The following PCDH10 variants were observed in gnomAD, a reference collection of about 807,000 sequenced individuals.
PCDH10 encodes protocadherin 10, also known as protocadherin-10.
A neutral mutation model predicts 74.4 loss-of-function variants in PCDH10; 15 were observed. The observed-to-expected ratio is 0.20, with a 90% CI of 0.13 to 0.31. PCDH10 has a LOEUF of 0.31. PCDH10 is among the 10% of genes least tolerant of loss of function. The pLI is 1.00. For missense variants in PCDH10, 1,260 were observed against 1,390.2 expected, an observed-to-expected ratio of 0.91 and a Z score of 1.49; for synonymous variants, 619 against 589.8, an observed-to-expected ratio of 1.05 and a Z score of -0.72.
At chr4:133,154,812 GGTCTGTGA>G in intron 2 of PCDH10, 97 bp from the exon 3 acceptor site, 1 of 752,434 alleles carries the variant, frequency 1.3e-6, no homozygotes, top group South Asian at 1.6e-5. Flanking sequence ...CCAACTAAGA[GGTCTGTGA>G]GTCTGCAGCA....
chr4:133,206,895 A>G (rs887744393), intron 2 of PCDH10, among the ~76,000 whole-genome samples: 1 of 152,190 alleles, frequency 6.6e-6, no homozygotes, highest in South Asian at 2.1e-4. Context: ...TAGATTTTTT[A>G]TTGCTGTTGT....
chr4:133,170,929 G>A (rs894136917), intron 4 of PCDH10, among the ~76,000 whole-genome samples: 13 of 151,626 alleles, frequency 8.6e-5, no homozygotes, highest in African/African-American at 3.1e-4. Flanking sequence ...CCTGGCCTCG[G>A]CCTCCCAAAG....
At chr4:133,165,839 A>G (rs1026518410) in intron 4 of PCDH10, among the ~76,000 whole-genome samples, 2 of 151,724 alleles carry the variant, frequency 1.3e-5, no homozygotes, top group African/African-American at 4.8e-5. Context: ...TGATTTCTAT[A>G]CCTCCGATTG....
At position 133,189,586 on chromosome 4, in the gene PCDH10, A is replaced by C. The variant is rs182213424; in HGVS notation, c.3104-555A>C. Among the ~76,000 whole-genome samples, 566 of 152,204 alleles carry C rather than the reference A, an allele frequency of 3.7e-3. 2 individuals are homozygous for C. The highest frequency in any genetic ancestry group is 0.013 in the African/African-American group (524 of 41,562). On this transcript the variant is annotated intron_variant, in intron 4 of 4. Coordinates refer to ENST00000264360, the MANE Select transcript of PCDH10 (RefSeq NM_032961.3). ...AATACTTTAAAAAAATGTATGGGCC[A>C]TAAAAATACTTGGTTTTAAAATTTT... is the stretch of plus-strand genomic sequence containing the variant.
intron 2 of PCDH10, among the ~76,000 whole-genome samples, chr4:133,205,041 T>C (rs892190993): frequency 6.6e-6 from 1 of 152,166 alleles, no homozygotes; most frequent in Non-Finnish European, 1.5e-5. Context: ...AGCAGGGAAC[T>C]GAAACCCACT....
chr4:133,153,165 G>A, intron 1 of PCDH10: 1 of 1,137,806 alleles, frequency 8.8e-7, no homozygotes, highest in Non-Finnish European at 1.1e-6. Flanking sequence ...TCTGTCCCAG[G>A]CATTAATAAA....
At chr4:133,159,829 G>T (rs1211597752) in intron 3 of PCDH10, among the ~76,000 whole-genome samples, 1 of 151,926 alleles carries the variant, frequency 6.6e-6, no homozygotes, top group Non-Finnish European at 1.5e-5. Flanking sequence ...AATTGTAAGA[G>T]CAGTGTTAAA....
At chr4:133,178,216 GT>G (rs200892986) in intron 4 of PCDH10, among the ~76,000 whole-genome samples, 3 of 150,548 alleles carry the variant, frequency 2.0e-5, no homozygotes, top group Admixed American at 1.3e-4. Flanking sequence ...GCCAGTGTGT[GT>G]TTTTTTTTGT....
At chr4:133,183,002 A>G (rs1486918286) in intron 4 of PCDH10, among the ~76,000 whole-genome samples, 1 of 152,062 alleles carries the variant, frequency 6.6e-6, no homozygotes, top group Non-Finnish European at 1.5e-5. Context: ...AGATCTTTAG[A>G]ATACTGACGA....
At chr4:133,159,059 C>T (rs1384640129) in intron 3 of PCDH10, among the ~76,000 whole-genome samples, 2 of 151,296 alleles carry the variant, frequency 1.3e-5, no homozygotes, top group African/African-American at 2.4e-5. Context: ...TATTTTAAGT[C>T]GTTAAAAGAG....
chr4:133,185,043 A>G (rs1320682566), intron 4 of PCDH10, among the ~76,000 whole-genome samples: 1 of 148,524 alleles, frequency 6.7e-6, no homozygotes, highest in East Asian at 1.9e-4. Context: ...TAGTGATAGT[A>G]TATTAACTCC....
intron 3 of PCDH10, among the ~76,000 whole-genome samples, chr4:133,162,476 A>G (rs1469891983): frequency 6.6e-6 from 1 of 152,102 alleles, no homozygotes; most frequent in East Asian, 1.9e-4. Flanking sequence ...TCTGCTTCAT[A>G]TTCAAATTTC....
chr4:133,202,071 TTG>T, intron 2 of PCDH10, among the ~76,000 whole-genome samples: 1 of 152,124 alleles, frequency 6.6e-6, no homozygotes, highest in Middle Eastern at 3.4e-3. Context: ...GTTTATATCT[TTG>T]TGATAAGTAG....
rs1454291926 is a variant in PCDH10, at chr4:133,194,220, T to C, written c.*4060T>C. ...GTATTTGTAAAATTAGAAAAATTGCTTTTATTTCTTGAAAAGTTGTCACAT... is the reference window on the plus strand; with the variant it reads ...GTATTTGTAAAATTAGAAAAATTGCCTTTATTTCTTGAAAAGTTGTCACAT... On this transcript the variant is annotated 3_prime_UTR_variant, in exon 5 of 5. Transcript: ENST00000264360. 6.6e-6 allele frequency: 1 copy of C among 151,892 alleles called. No individual in the cohort carries two copies. The highest frequency in any genetic ancestry group is 6.6e-5 in the Admixed American group (1 of 15,222). The allele number at this position is 151,892 out of a possible 1,614,324, so 9.4% of individuals were successfully genotyped here. A position where few individuals can be genotyped will look rare whatever the true frequency, so the allele number is the denominator to read the frequency against.
At chr4:133,203,015 T>C (rs1272761527) in intron 2 of PCDH10, among the ~76,000 whole-genome samples, 2 of 152,120 alleles carry the variant, frequency 1.3e-5, no homozygotes, top group African/African-American at 4.8e-5. Flanking sequence ...CCTAGGTAGC[T>C]GTGCAGAGCT....
chr4:133,150,856 G>T lies in PCDH10; in HGVS notation c.716G>T (p.Arg239Leu). ...ACCGGCACGGCCCTACTCACCATCC[G>T]AGTGCTGGACTCCAATGACAATGTG... The part of the protein sequence containing the change: ...QRTGTALLTI[R>L]VLDSNDNVPA... The change falls in exon 1 of 5, where the codon CGA becomes CTA. Residue 239 changes from arginine to leucine, a missense_variant. This residue lies in a region of PCDH10 where 192 missense variants were observed against 161.2 expected (regional missense o/e 1.19). Transcript: ENST00000264360. 1 of 1,603,692 alleles carries T rather than the reference G, an allele frequency of 6.2e-7. No individual in the cohort carries two copies.
intron 4 of PCDH10, among the ~76,000 whole-genome samples, chr4:133,168,271 A>G (rs1727128188): frequency 6.6e-6 from 1 of 151,362 alleles, no homozygotes; most frequent in South Asian, 2.1e-4. Flanking sequence ...TTTATATATA[A>G]ATATCTGGTC....
intron 4 of PCDH10, among the ~76,000 whole-genome samples, chr4:133,166,763 T>C (rs527842760): frequency 6.6e-6 from 1 of 151,678 alleles, no homozygotes; most frequent in South Asian, 2.1e-4. Flanking sequence ...TAAGTATGTG[T>C]TATTTGGATA....
rs1243779968 is a variant in PCDH10 at position 133,189,871 on chromosome 4, A to T, written c.3104-270A>T. ...ATTGTTTTATGTAGATAACTTTAAA[A>T]AGTTAATCTTCACAAATTTCATCTT... On this transcript the variant is annotated intron_variant, in intron 4 of 4. Transcript: ENST00000264360. Among the ~76,000 whole-genome samples the T allele has an allele frequency of 2.6e-5, 4 of 152,064 alleles. No homozygotes were observed. The East Asian group carries it at 7.7e-4, about 29-fold the overall frequency.
Sources: allele counts gnomAD v4.1 joint callset (sites outside exome capture counted in the v4.1 genomes callset), GRCh38; gene constraint gnomAD v4.1.1; regional missense constraint gnomAD v4.1.1; transcripts MANE v1.5; gene names NCBI Gene and HGNC (gene_info 2026-07-23, HGNC 2026-07-21).